Variants in CDK8 observed in about 807,000 individuals in gnomAD.
CDK8 encodes cyclin dependent kinase 8.
CDK8 carries 29 observed loss-of-function variants against 71.5 expected under a neutral mutation model. That is an observed-to-expected ratio of 0.41 (90% CI 0.30 to 0.55). The LOEUF is 0.55. Among genes scored for constraint, CDK8 ranks in the 20% least tolerant of loss-of-function variants. The pLI is 0.37. For missense variants in CDK8, 288 were observed against 572.6 expected (o/e 0.50, Z 5.07); for synonymous variants, 161 against 192.1 (o/e 0.84, Z 1.34).
chr13:26,307,812 C>T (rs9512183), intron 1 of CDK8, among the ~76,000 whole-genome samples: 7,381 of 152,130 alleles, frequency 0.049, 247 homozygotes, highest in South Asian at 0.07. Context: ...TTCATAAGAA[C>T]GGTACCTAAT....
chr13:26,293,356 A>G (rs565409078), intron 1 of CDK8, among the ~76,000 whole-genome samples: 1 of 152,210 alleles, frequency 6.6e-6, no homozygotes, highest in South Asian at 2.1e-4. Flanking sequence ...TAATCGGAGC[A>G]CTTTGGGCGG....
intron 4 of CDK8, among the ~76,000 whole-genome samples, chr13:26,380,657 T>G (rs958099171): frequency 6.6e-6 from 1 of 152,028 alleles, no homozygotes; most frequent in Non-Finnish European, 1.5e-5. Flanking sequence ...AAAAAAATTT[T>G]TTTTGTTGAG....
At chr13:26,267,847 T>C (rs1159106183) in intron 1 of CDK8, among the ~76,000 whole-genome samples, 2 of 152,162 alleles carry the variant, frequency 1.3e-5, no homozygotes, top group African/African-American at 4.8e-5. Context: ...ACATTTGCCA[T>C]GGATGATACA....
At chr13:26,385,174 A>G (rs779621414) in intron 5 of CDK8, 37 bp from the exon 6 acceptor site, 8 of 1,544,622 alleles carry the variant, frequency 5.2e-6, no homozygotes, top group Non-Finnish European at 7.0e-6. Flanking sequence ...TGTAAAAATC[A>G]TTTACTTAGC....
intron 12 of CDK8, among the ~76,000 whole-genome samples, chr13:26,403,413 A>G (rs1469869591): frequency 1.3e-5 from 2 of 152,104 alleles, no homozygotes; most frequent in Non-Finnish European, 2.9e-5. Flanking sequence ...TGATTATACC[A>G]TTACACTCCA....
At chr13:26,257,438 A>G (rs369723934) in intron 1 of CDK8, among the ~76,000 whole-genome samples, 14 of 152,346 alleles carry the variant, frequency 9.2e-5, no homozygotes, top group African/African-American at 3.1e-4. Context: ...ATTGCATAGT[A>G]GGGAAAAGGG....
At chr13:26,397,935 A>ATT (rs1262175606) in intron 9 of CDK8, among the ~76,000 whole-genome samples, 1 of 152,164 alleles carries the variant, frequency 6.6e-6, no homozygotes, top group African/African-American at 2.4e-5. Flanking sequence ...AGCAGGTTGT[A>ATT]TTTTGCTTGG....
At chr13:26,355,631 C>CA (rs1407280266) in intron 4 of CDK8, among the ~76,000 whole-genome samples, 2 of 151,930 alleles carry the variant, frequency 1.3e-5, no homozygotes, top group African/African-American at 2.4e-5. Flanking sequence ...TAAAAGAAAA[C>CA]AAAAAATAGA....
rs146748944 is a variant in CDK8, at chr13:26,262,721, A to G, written c.128+7952A>G. ...AAATGTGGATCAAATCTGTATTTCT[A>G]AAATTAAGGAAAACGTAATTAGTTT... On this transcript the variant is annotated intron_variant, in intron 1 of 12. Coordinates refer to ENST00000381527, the MANE Select transcript of CDK8 (RefSeq NM_001260.3). Among the ~76,000 whole-genome samples, 622 of 152,384 alleles carry G rather than the reference A, an allele frequency of 4.1e-3. 3 individuals are homozygous for G. Among genetic ancestry groups the G allele is most frequent in the African/African-American group, 0.014 (573 of 41,590 alleles).
intron 8 of CDK8, among the ~76,000 whole-genome samples, chr13:26,396,621 C>A (rs180966463): frequency 4.1e-4 from 62 of 152,000 alleles, no homozygotes; most frequent in Admixed American, 3.7e-3. Context: ...TTTTTGGAAG[C>A]TAGACATTAG....
chr13:26,366,553 C>G (rs1220393273), intron 4 of CDK8, among the ~76,000 whole-genome samples: 1 of 152,040 alleles, frequency 6.6e-6, no homozygotes, highest in Non-Finnish European at 1.5e-5. Flanking sequence ...GTTATATGAC[C>G]TATATCTATT....
intron 1 of CDK8, among the ~76,000 whole-genome samples, chr13:26,261,566 G>C (rs1385718273): frequency 6.6e-6 from 1 of 152,080 alleles, no homozygotes; most frequent in African/African-American, 2.4e-5. Context: ...TCAACATGTG[G>C]CCTTTTGTGT....
chr13:26,383,493 GT>G (rs1413182003), intron 5 of CDK8, among the ~76,000 whole-genome samples: 8 of 151,998 alleles, frequency 5.3e-5, no homozygotes, highest in Non-Finnish European at 7.4e-5. Flanking sequence ...ATAAAACTAA[GT>G]TTATTTAATC....
rs151062541 is a variant in CDK8 at position 26,267,417 on chromosome 13, C to A, written c.128+12648C>A. Among the ~76,000 whole-genome samples the A allele has an allele frequency of 7.0e-3, 1,069 of 152,246 alleles. 21 individuals carry two copies. Among genetic ancestry groups the A allele is most frequent in the African/African-American group, 0.023 (952 of 41,538 alleles). On this transcript the variant is annotated intron_variant, in intron 1 of 12. Coordinates refer to ENST00000381527, the MANE Select transcript of CDK8 (RefSeq NM_001260.3). The stretch of plus-strand genomic sequence containing the variant: ...TAAGAGTACCCAGGAAAATCTAAGT[C>A]CCCCTTTTACCTCAGATTGAGCTTC...
Position 26,401,531 on chromosome 13 carries a change from C to T in CDK8, c.1176C>T (p.Asp392=), listed in dbSNP as rs767873590. The change falls in exon 12 of 13, where the codon GAC becomes GAT. Residue 392 remains aspartate, a synonymous_variant. Coordinates refer to ENST00000381527, the MANE Select transcript of CDK8 (RefSeq NM_001260.3). The surrounding 1 kb of genome is among the most constrained non-coding windows in gnomAD (Gnocchi z 4.5). ...GAACTGGCCACCCAGGGAATCAAGACAGCAGTCACACACAGGGACCCCCGT... is the reference window on the plus strand; with the variant it reads ...GAACTGGCCACCCAGGGAATCAAGATAGCAGTCACACACAGGGACCCCCGT... ...TNGTGHPGNQ[D]SSHTQGPPLK... is the part of the protein sequence containing the mutation. 22 of 1,614,178 alleles carry T rather than the reference C, an allele frequency of 1.4e-5. No individual in the cohort carries two copies. The highest frequency in any genetic ancestry group is 1.8e-5 in the Non-Finnish European group (21 of 1,180,022).
rs553627224 is a variant in CDK8 at position 26,317,173 on chromosome 13, A to G, written c.129-20394A>G. ...TCCAGAGAAGAAGCAGAGAGAGAGC[A>G]TATTTGAAGAACTGATGCCTGAAAT... On this transcript the variant is annotated intron_variant, in intron 1 of 12. Transcript: ENST00000381527. 4.6e-5 allele frequency among the ~76,000 whole-genome samples: 7 copies of G among 152,324 alleles called. No individual in the cohort carries two copies. In the South Asian group the frequency reaches 1.2e-3, roughly 27 times the overall value.
At chr13:26,311,762 T>A (rs80304759) in intron 1 of CDK8, among the ~76,000 whole-genome samples, 1 of 7,838 alleles carries the variant, frequency 1.3e-4, no homozygotes, top group Non-Finnish European at 2.4e-3. Context: ...CCAGTAGTCT[T>A]TATCTCATTA....
chr13:26,369,525 G>A (rs1447405929), intron 4 of CDK8, among the ~76,000 whole-genome samples: 8 of 134,174 alleles, frequency 6.0e-5, no homozygotes, highest in Non-Finnish European at 4.7e-5. Context: ...GAGGTTGGAC[G>A]ATTTTTTTTT....
intron 1 of CDK8, among the ~76,000 whole-genome samples, chr13:26,336,605 C>A (rs7334906): frequency 2.0e-5 from 3 of 147,986 alleles, no homozygotes; most frequent in Admixed American, 6.7e-5. Flanking sequence ...CCAGGCTGGA[C>A]TGCAGTGGCG....
Sources: gnomAD v4.1 joint callset for allele counts (sites outside exome capture counted in the v4.1 genomes callset) on GRCh38, gnomAD v4.1.1 for gene constraint, Gnocchi (gnomAD v3.1) non-coding constraint, MANE v1.5 for transcripts, NCBI Gene and HGNC (gene_info 2026-07-23, HGNC 2026-07-21) for gene names.